Variants in PARD3B observed in about 807,000 individuals in gnomAD.
PARD3B encodes par-3 family cell polarity regulator beta.
PARD3B carries 103 observed loss-of-function variants against 130.2 expected under a neutral mutation model. That is an observed-to-expected ratio of 0.79 (90% CI 0.67 to 0.93). The LOEUF (loss-of-function observed/expected upper bound fraction) is 0.93, where lower values mean the gene tolerates loss of function less well. PARD3B is among the 40% of genes least tolerant of loss of function. The pLI is 0.00. For synonymous variants in PARD3B, 583 were observed against 553.2 expected (o/e 1.05, Z -0.76); for missense variants, 1,609 against 1,499.2 (o/e 1.07, Z -1.21).
At chr2:204,568,911 C>T (rs760290024) in intron 1 of PARD3B, among the ~76,000 whole-genome samples, 16 of 150,008 alleles carry the variant, frequency 1.1e-4, no homozygotes, top group East Asian at 2.0e-4. Context: ...GCTGAGATTG[C>T]GCCACTGCCC....
At chr2:205,581,953 G>A (rs1293614240) in intron 22 of PARD3B, among the ~76,000 whole-genome samples, 1 of 152,166 alleles carries the variant, frequency 6.6e-6, no homozygotes, top group Non-Finnish European at 1.5e-5. Flanking sequence ...CAGATGGGGA[G>A]CCTGGTCCTG....
At chr2:204,998,806 C>G (rs117925174) in intron 3 of PARD3B, among the ~76,000 whole-genome samples, 1 of 152,054 alleles carries the variant, frequency 6.6e-6, no homozygotes, top group East Asian at 1.9e-4. Context: ...TTCTGACACC[C>G]TGGTTCAAGT....
rs536477444 is a variant in PARD3B, at chr2:204,820,087, T to G, written c.222+133805T>G. ...AACAATAGACTTTTTTTTTTTTTTT[T>G]TTTTTGAGACGGAGTGTCACTCTTA... On this transcript the variant is annotated intron_variant, in intron 2 of 22. Transcript: ENST00000406610. Among the ~76,000 whole-genome samples the G allele has an allele frequency of 3.3e-3, 485 of 147,510 alleles. 7 individuals are homozygous for G. The highest frequency in any genetic ancestry group is 0.012 in the African/African-American group (470 of 39,056).
At chr2:205,144,191 C>T (rs2033180520) in intron 10 of PARD3B, among the ~76,000 whole-genome samples, 1 of 152,116 alleles carries the variant, frequency 6.6e-6, no homozygotes. Flanking sequence ...TTCCTTTTAT[C>T]ATGTGATAAA....
Position 205,125,538 on chromosome 2 carries a change from A to G in PARD3B, c.1306-71A>G, listed in dbSNP as rs2031273834. Reference sequence around the variant, plus strand: ...GGGAGCCCATTTGCTTCTTGTTTTCAAAAACTATCTAGTGTAGAAGGAGAT... The same window carrying G: ...GGGAGCCCATTTGCTTCTTGTTTTCGAAAACTATCTAGTGTAGAAGGAGAT... On this transcript the variant is annotated intron_variant, in intron 9 of 22. Coordinates refer to ENST00000406610, the MANE Select transcript of PARD3B (RefSeq NM_001302769.2). This position sits in a 1 kb window ranked among gnomAD's most constrained non-coding sequence, Gnocchi z 4.0. The G allele has an allele frequency of 1.3e-6, 2 of 1,525,078 alleles. No individual in the cohort carries two copies. The highest frequency in any genetic ancestry group is 4.6e-5 in the East Asian group (2 of 43,476). The allele number at this position is 1,525,078 out of a possible 1,614,324, so 94.5% of individuals were successfully genotyped here. A position where few individuals can be genotyped will look rare whatever the true frequency, so the allele number is the denominator to read the frequency against.
chr2:204,786,767 A>G lies in PARD3B; in HGVS notation c.222+100485A>G, dbSNP rs78426554. On this transcript the variant is annotated intron_variant, in intron 2 of 22. Coordinates refer to ENST00000406610, the MANE Select transcript of PARD3B (RefSeq NM_001302769.2). ...ACAAGAGTCATTTCAGAGATGGTGTATGACATTACCACCAATGCAATGAGA... is the reference window on the plus strand; with the variant it reads ...ACAAGAGTCATTTCAGAGATGGTGTGTGACATTACCACCAATGCAATGAGA... Among the ~76,000 whole-genome samples, 1,091 of 151,794 alleles carry G rather than the reference A, an allele frequency of 7.2e-3. 12 individuals are homozygous for G. Among genetic ancestry groups the G allele is most frequent in the African/African-American group, 0.025 (1,029 of 41,388 alleles).
At chr2:204,585,548 T>C (rs2032781000) in intron 1 of PARD3B, among the ~76,000 whole-genome samples, 1 of 151,296 alleles carries the variant, frequency 6.6e-6, no homozygotes, top group Admixed American at 6.6e-5. Context: ...TCAGCTATAT[T>C]GTCCTGGCTG....
intron 16 of PARD3B, among the ~76,000 whole-genome samples, chr2:205,260,067 G>T (rs976070434): frequency 3.3e-5 from 5 of 152,184 alleles, no homozygotes; most frequent in African/African-American, 1.2e-4. Context: ...GTCTGTGGTT[G>T]TTTGGCACCA....
chr2:205,594,385 C>G (rs1424737303), intron 22 of PARD3B, among the ~76,000 whole-genome samples: 3 of 152,164 alleles, frequency 2.0e-5, no homozygotes, highest in South Asian at 2.1e-4. Context: ...GACACTTCCC[C>G]TCTTTAAAGT....
In PARD3B at chr2:205,156,609, C is replaced by T. The variant is rs13427801; in HGVS notation, c.1435-2113C>T. On this transcript the variant is annotated intron_variant, in intron 10 of 22. Coordinates refer to ENST00000406610, the MANE Select transcript of PARD3B (RefSeq NM_001302769.2). Reference sequence around the variant, plus strand: ...TTGAGCCCCACAAAGCTTCCACATTCCAAGTCTTCTGGGCTGTAAACATGG... The same window carrying T: ...TTGAGCCCCACAAAGCTTCCACATTTCAAGTCTTCTGGGCTGTAAACATGG... 2.6e-3 allele frequency among the ~76,000 whole-genome samples: 399 copies of T among 151,650 alleles called. 2 individuals carry two copies. Among genetic ancestry groups the T allele is most frequent in the African/African-American group, 9.3e-3 (386 of 41,340 alleles).
chr2:205,475,893 A>C (rs966282600), intron 20 of PARD3B, among the ~76,000 whole-genome samples: 1 of 152,170 alleles, frequency 6.6e-6, no homozygotes, highest in African/African-American at 2.4e-5. Flanking sequence ...AGTTCTCTCC[A>C]ATATGCTTCC....
At chr2:205,553,289 T>G in intron 21 of PARD3B, 35 bp from the exon 22 acceptor site, 2 of 1,585,192 alleles carry the variant, frequency 1.3e-6, no homozygotes, top group East Asian at 4.5e-5. Flanking sequence ...AGGTGTATAA[T>G]GGATCTTCAT....
intron 4 of PARD3B, among the ~76,000 whole-genome samples, chr2:205,073,148 A>G (rs940339054): frequency 7.2e-5 from 11 of 152,184 alleles, no homozygotes; most frequent in Admixed American, 2.0e-4. Flanking sequence ...TTACCTTTCT[A>G]TTACCCTAGA....
rs542514290 is a variant in PARD3B at position 204,861,139 on chromosome 2, T to C, written c.223-104013T>C. ...CTACAATTTTTCATTTGTAGCTTTTTCACCTATTGCTACCTAATACCTTTC... is the reference window on the plus strand; with the variant it reads ...CTACAATTTTTCATTTGTAGCTTTTCCACCTATTGCTACCTAATACCTTTC... On this transcript the variant is annotated intron_variant, in intron 2 of 22. Coordinates refer to ENST00000406610, the MANE Select transcript of PARD3B (RefSeq NM_001302769.2). Among the ~76,000 whole-genome samples the C allele has an allele frequency of 5.3e-5, 8 of 151,304 alleles. No homozygotes were observed. The East Asian group carries it at 1.6e-3, about 30-fold the overall frequency.
At position 205,564,841 on chromosome 2, in the gene PARD3B, C is replaced by T. The variant is rs530633649; in HGVS notation, c.3260+11438C>T. ...AATGTGAGAGGGGTTGGTACAAAAA[C>T]AGCAGCCTCCAGAACGTGTTCCTGC... is the stretch of plus-strand genomic sequence containing the variant. On this transcript the variant is annotated intron_variant, in intron 22 of 22. Coordinates refer to ENST00000406610, the MANE Select transcript of PARD3B (RefSeq NM_001302769.2). The surrounding 1 kb of genome is among the most constrained non-coding windows in gnomAD (Gnocchi z 4.6). 6.6e-6 allele frequency among the ~76,000 whole-genome samples: 1 copy of T among 152,308 alleles called. No individual in the cohort carries two copies. The highest frequency in any genetic ancestry group is 1.9e-4 in the East Asian group (1 of 5,176).
chr2:205,110,536 A>T (rs1156757667), intron 5 of PARD3B, among the ~76,000 whole-genome samples: 1 of 152,072 alleles, frequency 6.6e-6, no homozygotes, highest in Non-Finnish European at 1.5e-5. Flanking sequence ...AGTTGTATAA[A>T]GATAGCTATT....
intron 12 of PARD3B, among the ~76,000 whole-genome samples, chr2:205,173,893 G>A (rs903203565): frequency 6.6e-6 from 1 of 152,178 alleles, no homozygotes; most frequent in Non-Finnish European, 1.5e-5. Flanking sequence ...ATTGGAGAGA[G>A]TTGAAAGGAT....
chr2:204,789,811 ACCT>A (rs2042136542), intron 2 of PARD3B, among the ~76,000 whole-genome samples: 1 of 151,366 alleles, frequency 6.6e-6, no homozygotes, highest in South Asian at 2.1e-4. Flanking sequence ...AGAACCTGTG[ACCT>A]CCTCAAGTCC....
intron 2 of PARD3B, among the ~76,000 whole-genome samples, chr2:204,935,044 A>G (rs1410967545): frequency 6.6e-6 from 1 of 152,024 alleles, no homozygotes; most frequent in African/African-American, 2.4e-5. Context: ...ATGACGCTTG[A>G]TTATAACCTG....
Sources: allele counts gnomAD v4.1 joint callset (sites outside exome capture counted in the v4.1 genomes callset), GRCh38; gene constraint gnomAD v4.1.1; non-coding constraint Gnocchi (gnomAD v3.1); transcripts MANE v1.5; gene names NCBI Gene and HGNC (gene_info 2026-07-23, HGNC 2026-07-21).